NBEA: variants seen among roughly 807,000 people sequenced by gnomAD.
The protein encoded by NBEA is lysosomal-trafficking regulator 2.
Under a neutral mutation model 343.4 loss-of-function variants are expected in NBEA, and 44 were observed. That is an observed-to-expected ratio of 0.13 (90% CI 0.10 to 0.16). NBEA has a LOEUF of 0.16. Among genes scored for constraint, NBEA ranks in the 10% least tolerant of loss-of-function variants. NBEA has a pLI of 1.00. For synonymous variants in NBEA, 1,175 were observed against 1,238.7 expected, an observed-to-expected ratio of 0.95 and a Z score of 1.08; for missense variants, 2,555 against 3,631.3, an observed-to-expected ratio of 0.70 and a Z score of 7.62.
At chr13:35,133,924 T>C (rs919501119) in intron 17 of NBEA, among the ~76,000 whole-genome samples, 82 of 151,802 alleles carry the variant, frequency 5.4e-4, no homozygotes, top group African/African-American at 1.9e-3. Flanking sequence ...ATATTTATTA[T>C]GTTTAAAAAA....
chr13:35,224,956 CTTG>C (rs1469288441), intron 33 of NBEA, among the ~76,000 whole-genome samples: 1 of 152,044 alleles, frequency 6.6e-6, no homozygotes, highest in Admixed American at 6.6e-5. Context: ...TTTATGTTTT[CTTG>C]TTGTTTTTGT....
intron 31 of NBEA, among the ~76,000 whole-genome samples, chr13:35,206,082 T>C (rs2073375847): frequency 6.6e-6 from 1 of 152,146 alleles, no homozygotes; most frequent in South Asian, 2.1e-4. Context: ...TTGCTATTAA[T>C]TCAGTGCTTT....
intron 36 of NBEA, among the ~76,000 whole-genome samples, chr13:35,312,962 T>C (rs2152834838): frequency 6.6e-6 from 1 of 152,290 alleles, no homozygotes. Context: ...TATTGAGCTC[T>C]CCAAAGAGAG....
At chr13:35,268,724 AT>A (rs986683087) in intron 34 of NBEA, among the ~76,000 whole-genome samples, 3 of 152,026 alleles carry the variant, frequency 2.0e-5, no homozygotes, top group African/African-American at 7.2e-5. Context: ...TAGTAAATAT[AT>A]TTTTATGTAG....
intron 38 of NBEA, among the ~76,000 whole-genome samples, chr13:35,381,949 T>C (rs1281846342): frequency 6.6e-6 from 1 of 152,182 alleles, no homozygotes; most frequent in Admixed American, 6.5e-5. Context: ...TTATATTTCT[T>C]AGTTGTAAAA....
At chr13:35,141,387 C>G (rs1271156253) in intron 17 of NBEA, among the ~76,000 whole-genome samples, 1 of 152,136 alleles carries the variant, frequency 6.6e-6, no homozygotes, top group African/African-American at 2.4e-5. Context: ...CTGCCTCAGC[C>G]TCCTGAGTAG....
At chr13:35,233,381 T>C (rs2075075661) in intron 34 of NBEA, among the ~76,000 whole-genome samples, 1 of 152,080 alleles carries the variant, frequency 6.6e-6, no homozygotes, top group African/African-American at 2.4e-5. Context: ...TCTGTTATTG[T>C]CCCAACTGCT....
intron 1 of NBEA, among the ~76,000 whole-genome samples, chr13:34,998,906 G>A (rs1260016907): frequency 6.6e-6 from 1 of 152,152 alleles, no homozygotes; most frequent in Non-Finnish European, 1.5e-5. Context: ...GAAGTGATAA[G>A]TGTCCATGAA....
chr13:35,283,635 A>G (rs1356987142), intron 34 of NBEA, among the ~76,000 whole-genome samples: 1 of 152,212 alleles, frequency 6.6e-6, no homozygotes, highest in Non-Finnish European at 1.5e-5. Flanking sequence ...ATAAGTGCAT[A>G]TATTTCATAG....
chr13:35,456,663 A>G (rs2046596040), intron 40 of NBEA, among the ~76,000 whole-genome samples: 1 of 152,004 alleles, frequency 6.6e-6, no homozygotes, highest in Admixed American at 6.6e-5. Context: ...TCAAATTTAT[A>G]TAAATTGGTA....
At chr13:35,158,923 T>G (rs971786800) in intron 21 of NBEA, 93 bp from the exon 22 acceptor site, 19 of 1,168,422 alleles carry the variant, frequency 1.6e-5, no homozygotes, top group Non-Finnish European at 2.2e-5. Flanking sequence ...TCTGGCATTA[T>G]TTTTTCTATT....
chr13:35,018,391 C>T (rs2061724377), intron 1 of NBEA, among the ~76,000 whole-genome samples: 1 of 151,944 alleles, frequency 6.6e-6, no homozygotes, highest in African/African-American at 2.4e-5. Flanking sequence ...TTAGGTTTTT[C>T]TTTTCTCTTG....
chr13:35,459,143 C>T (rs575412975), intron 40 of NBEA, among the ~76,000 whole-genome samples: 1 of 152,108 alleles, frequency 6.6e-6, no homozygotes, highest in African/African-American at 2.4e-5. Flanking sequence ...AAGTGCCAGT[C>T]ATCTCCTTCA....
At chr13:35,046,117 T>C (rs1190196424) in intron 4 of NBEA, among the ~76,000 whole-genome samples, 1 of 152,126 alleles carries the variant, frequency 6.6e-6, no homozygotes, top group Non-Finnish European at 1.5e-5. Flanking sequence ...TTTATTCTGT[T>C]CTCTCTTTTT....
At position 35,109,359 on chromosome 13, in the gene NBEA, T is replaced by A; in HGVS notation, c.1750T>A (p.Leu584Ile). The change falls in exon 12 of 59, where the codon TTA becomes ATA. Residue 584 changes from leucine (L) to isoleucine (I), a missense_variant. By Grantham distance (5) the Leu-to-Ile change is conservative (BLOSUM62 2). Transcript: ENST00000379939. ...ATCTTTTGCAAAATACCTTGATGGT[T>A]TATCTCATGGAGCACCTTTGCTGAA... The part of the protein sequence containing the change: ...FLSFAKYLDG[L>I]SHGAPLLKQL... 1 of 1,612,618 alleles carries A rather than the reference T, an allele frequency of 6.2e-7. No homozygotes were observed. The highest frequency in any genetic ancestry group is 8.5e-7 in the Non-Finnish European group (1 of 1,179,146).
intron 41 of NBEA, among the ~76,000 whole-genome samples, chr13:35,501,449 T>C (rs567701813): frequency 2.0e-5 from 3 of 152,242 alleles, no homozygotes; most frequent in African/African-American, 7.2e-5. Context: ...ATATTTGGGC[T>C]CTCCATTTTT....
At chr13:35,010,271 C>T (rs2061438260) in intron 1 of NBEA, among the ~76,000 whole-genome samples, 1 of 151,864 alleles carries the variant, frequency 6.6e-6, no homozygotes, top group African/African-American at 2.4e-5. Flanking sequence ...TTTTATAAGT[C>T]CAGGGCTGAG....
intron 43 of NBEA, among the ~76,000 whole-genome samples, chr13:35,553,005 C>T (rs2079409176): frequency 6.6e-6 from 1 of 152,012 alleles, no homozygotes; most frequent in Admixed American, 6.6e-5. Context: ...GATCCTCCCA[C>T]CTCAGTTTCC....
rs559792296 is a variant in NBEA, at chr13:35,171,631, G to A, written c.4423+179G>A. Among the ~76,000 whole-genome samples, 289 of 152,040 alleles carry A rather than the reference G, an allele frequency of 1.9e-3. 2 individuals carry two copies. Among genetic ancestry groups the A allele is most frequent in the African/African-American group, 6.8e-3 (282 of 41,510 alleles). ...GAATTACTAAATTTTAAAAAATTAT[G>A]CCTTCACATTGGAGATTTCACAGAA... is the stretch of plus-strand genomic sequence containing the variant. On this transcript the variant is annotated intron_variant, in intron 26 of 58. Coordinates refer to ENST00000379939, the MANE Select transcript of NBEA (RefSeq NM_001385012.1).
Sources: allele counts gnomAD v4.1 joint callset (sites outside exome capture counted in the v4.1 genomes callset), GRCh38; gene constraint gnomAD v4.1.1; transcripts MANE v1.5; gene names NCBI Gene and HGNC (gene_info 2026-07-23, HGNC 2026-07-21).